ARHGAP32: variants seen among roughly 807,000 people sequenced by gnomAD.
ARHGAP32 encodes rho GTPase-activating protein 32.
ARHGAP32 carries 51 observed loss-of-function variants against 186.5 expected under a neutral mutation model. That is an observed-to-expected ratio of 0.27 (90% CI 0.22 to 0.35). The LOEUF (loss-of-function observed/expected upper bound fraction) is 0.35, where lower values mean the gene tolerates loss of function less well. Among genes scored for constraint, ARHGAP32 ranks in the 10% least tolerant of loss-of-function variants. The probability of loss-of-function intolerance (pLI) is 1.00; values close to 1 mark genes in which losing one functional copy is unlikely to be tolerated. For synonymous variants in ARHGAP32, 950 were observed against 964.3 expected (o/e 0.99, Z 0.27); for missense variants, 2,186 against 2,623.5 (o/e 0.83, Z 3.64).
chr11:129,242,817 C>T (rs1286848576), intron 1 of ARHGAP32, among the ~76,000 whole-genome samples: 3 of 151,006 alleles, frequency 2.0e-5, no homozygotes. Flanking sequence ...TTGGACACAC[C>T]TCTGTACCAA....
intron 13 of ARHGAP32, 131 bp downstream of exon 13, chr11:128,987,890 CAT>C: frequency 3.1e-6 from 2 of 652,718 alleles, no homozygotes; most frequent in African/African-American, 1.8e-5. Flanking sequence ...GAGACAATAA[CAT>C]GTATATTATT....
Position 128,974,617 on chromosome 11 carries a change from T to C in ARHGAP32, c.2580A>G (p.Pro860=), listed in dbSNP as rs1415419646. ...AETGSSQCQT[P]GSTASSEPVS... is the part of the protein sequence containing the mutation. ...CAGGTTCAGAGCTTGCTGTGCTTCCTGGAGTCTGACATTGGCTACTACCTG... is the reference window on the plus strand; with the variant it reads ...CAGGTTCAGAGCTTGCTGTGCTTCCCGGAGTCTGACATTGGCTACTACCTG... Residue 860 remains proline (P), a synonymous_variant, in exon 21 of 23, where the codon CCA becomes CCG. Coordinates refer to ENST00000682385, the MANE Select transcript of ARHGAP32 (RefSeq NM_001378024.1). The C allele has an allele frequency of 1.2e-6, 2 of 1,614,236 alleles. No individual in the cohort carries two copies. Among genetic ancestry groups the C allele is most frequent in the South Asian group, 2.2e-5 (2 of 91,078 alleles).
chr11:129,130,061 A>T (rs1298014229), intron 2 of ARHGAP32, among the ~76,000 whole-genome samples: 1 of 152,208 alleles, frequency 6.6e-6, no homozygotes, highest in East Asian at 1.9e-4. Context: ...TCGAAATTGG[A>T]GGCCTTACTT....
intron 1 of ARHGAP32, among the ~76,000 whole-genome samples, chr11:129,272,836 C>T (rs140054350): frequency 2.0e-4 from 30 of 152,340 alleles, no homozygotes; most frequent in African/African-American, 7.0e-4. Flanking sequence ...ACTTCTCGCA[C>T]GCTTTATTTT....
At position 128,976,643 on chromosome 11, in the gene ARHGAP32, T is replaced by TA. The variant is rs768003703; in HGVS notation, c.2123-10dup. Reference sequence around the variant, plus strand: ...TCCTTCTGCCCTGCCACCTGAAGAATAAAAAACACATAGTGTGAAGATTTC... The same window carrying TA: ...TCCTTCTGCCCTGCCACCTGAAGAATAAAAAAACACATAGTGTGAAGATTTC... On this transcript the variant is annotated splice_polypyrimidine_tract_variant and intron_variant, in intron 19 of 22. Coordinates refer to ENST00000682385, the MANE Select transcript of ARHGAP32 (RefSeq NM_001378024.1). 1 of 1,611,684 alleles carries TA rather than the reference T, an allele frequency of 6.2e-7. No homozygotes were observed. The highest frequency in any genetic ancestry group is 2.2e-5 in the East Asian group (1 of 44,834).
intron 5 of ARHGAP32, among the ~76,000 whole-genome samples, chr11:129,103,868 A>C (rs491444): frequency 0.14 from 21,280 of 152,104 alleles, 1,652 homozygotes; most frequent in Non-Finnish European, 0.17. Flanking sequence ...CCAGTAGACT[A>C]GTCCAACCAA....
chr11:129,222,851 G>A (rs1245098900), intron 1 of ARHGAP32, among the ~76,000 whole-genome samples: 1 of 152,146 alleles, frequency 6.6e-6, no homozygotes, highest in Non-Finnish European at 1.5e-5. Context: ...GACTGAGTAT[G>A]GCTGGAGTCG....
At chr11:129,142,747 T>A (rs1166173970) in intron 2 of ARHGAP32, among the ~76,000 whole-genome samples, 1 of 151,302 alleles carries the variant, frequency 6.6e-6, no homozygotes, top group Non-Finnish European at 1.5e-5. Flanking sequence ...AAAATATGCA[T>A]GGGGAAAGTA....
intron 6 of ARHGAP32, among the ~76,000 whole-genome samples, chr11:129,076,242 T>C (rs1291317549): frequency 6.6e-6 from 1 of 152,148 alleles, no homozygotes; most frequent in African/African-American, 2.4e-5. Context: ...CAACCCTTAC[T>C]TAGCATACAA....
chr11:129,000,549 C>T (rs964211078), intron 11 of ARHGAP32, among the ~76,000 whole-genome samples: 2 of 152,154 alleles, frequency 1.3e-5, no homozygotes, highest in Non-Finnish European at 2.9e-5. Context: ...TACAAGCATG[C>T]AATGTGTAAT....
At chr11:129,181,100 T>C (rs1193313830) in intron 1 of ARHGAP32, among the ~76,000 whole-genome samples, 2 of 152,160 alleles carry the variant, frequency 1.3e-5, no homozygotes, top group Non-Finnish European at 2.9e-5. Flanking sequence ...TCTTCATCCC[T>C]GGAATAAATT....
chr11:129,221,213 C>T (rs919984907), intron 1 of ARHGAP32, among the ~76,000 whole-genome samples: 6 of 152,056 alleles, frequency 3.9e-5, no homozygotes, highest in South Asian at 2.1e-4. Context: ...AAAATCTATG[C>T]GAAGCCATGA....
intron 2 of ARHGAP32, among the ~76,000 whole-genome samples, chr11:129,128,914 G>A (rs1040759791): frequency 3.9e-4 from 60 of 152,316 alleles, no homozygotes; most frequent in Non-Finnish European, 7.5e-4. Context: ...GAGTGCAGTG[G>A]CGTGATCTCG....
At chr11:128,997,839 G>A (rs998493743) in intron 12 of ARHGAP32, among the ~76,000 whole-genome samples, 4 of 152,114 alleles carry the variant, frequency 2.6e-5, no homozygotes, top group African/African-American at 4.8e-5. Context: ...GGCTGCAGTC[G>A]GCTATGATCA....
chr11:128,984,096 G>A lies in ARHGAP32; in HGVS notation c.1526+1907C>T, dbSNP rs185760665. Among the ~76,000 whole-genome samples the A allele has an allele frequency of 4.9e-4, 74 of 152,176 alleles. No individual in the cohort carries two copies. In the East Asian group the frequency reaches 9.9e-3, roughly 20 times the overall value. On this transcript the variant is annotated intron_variant, in intron 15 of 22. Transcript: ENST00000682385. Reference sequence around the variant, plus strand: ...TATTCAAAATTGGAAAAGGAAGGCCGGGCACAGTGGCTCACACCTGTAATC... The same window carrying A: ...TATTCAAAATTGGAAAAGGAAGGCCAGGCACAGTGGCTCACACCTGTAATC...
At chr11:129,234,302 A>T (rs1240935220) in intron 1 of ARHGAP32, among the ~76,000 whole-genome samples, 9 of 152,106 alleles carry the variant, frequency 5.9e-5, no homozygotes, top group African/African-American at 1.2e-4. Flanking sequence ...TGACAACACC[A>T]ATAATGTATA....
Position 129,123,318 on chromosome 11 carries a change from A to T in ARHGAP32, c.444+128T>A. 1.4e-6 allele frequency: 1 copy of T among 705,912 alleles called. No homozygotes were observed. Among genetic ancestry groups the T allele is most frequent in the Non-Finnish European group, 2.3e-6 (1 of 427,826 alleles). 43.7% of individuals were successfully genotyped at this position (705,912 alleles called of 1,614,324 possible). ...GAAGAAAGATTTTACCTCAACCAAT[A>T]AGACATCAATTAAAAAAAAAACTAC... On this transcript the variant is annotated intron_variant, in intron 5 of 22. Transcript: ENST00000682385. This position sits in a 1 kb window ranked among gnomAD's most constrained non-coding sequence, Gnocchi z 4.6.
intron 11 of ARHGAP32, among the ~76,000 whole-genome samples, chr11:129,031,400 A>G (rs1359393624): frequency 2.0e-5 from 3 of 152,218 alleles, no homozygotes. Flanking sequence ...TACCCAGACA[A>G]TAAAATGTGG....
intron 2 of ARHGAP32, among the ~76,000 whole-genome samples, chr11:129,145,629 T>G (rs1943152911): frequency 6.6e-6 from 1 of 152,090 alleles, no homozygotes; most frequent in African/African-American, 2.4e-5. Flanking sequence ...AGAGCATGCT[T>G]GAAATATAGT....
Sources: allele counts gnomAD v4.1 joint callset (sites outside exome capture counted in the v4.1 genomes callset), GRCh38; gene constraint gnomAD v4.1.1; non-coding constraint Gnocchi (gnomAD v3.1); transcripts MANE v1.5; gene names NCBI Gene and HGNC (gene_info 2026-07-23, HGNC 2026-07-21).